The following PYGM variants were observed in gnomAD, a reference collection of about 807,000 sequenced individuals.
PYGM encodes glycogen phosphorylase, muscle associated, also known as glycogen phosphorylase, muscle form.
PYGM carries 81 observed loss-of-function variants against 99.3 expected under a neutral mutation model. The observed-to-expected ratio is 0.82, with a 90% CI of 0.68 to 0.98. PYGM has a LOEUF of 0.98. PYGM is among the 50% of genes least tolerant of loss of function. PYGM has a pLI of 0.00. For missense variants in PYGM, 1,030 were observed against 1,158.1 expected, an observed-to-expected ratio of 0.89 and a Z score of 1.61; for synonymous variants, 436 against 451.5, an observed-to-expected ratio of 0.97 and a Z score of 0.44.
chr11:64,749,937 C>A (rs1034415079), intron 17 of PYGM, among the ~76,000 whole-genome samples: 1 of 151,840 alleles, frequency 6.6e-6, no homozygotes, highest in Non-Finnish European at 1.5e-5. Flanking sequence ...GGACTACAGG[C>A]GCCTGCCAAC....
rs1030163168 is a variant in PYGM, at chr11:64,754,269, C to T, written c.1076G>A (p.Arg359Gln). ...ELMRILVDLE[R>Q]MDWDKAWDVT... ...GAAGCCCACCTTGTCCCAGTCCATCCGTTCCAGGTCCACCAGGATCCTCAT... is the reference window on the plus strand; with the variant it reads ...GAAGCCCACCTTGTCCCAGTCCATCTGTTCCAGGTCCACCAGGATCCTCAT... The change falls in exon 9 of 20, where the codon CGG becomes CAG. Residue 359 changes from arginine (R) to glutamine (Q), a missense_variant. Arg to Gln is a conservative substitution (Grantham distance 43). Transcript: ENST00000164139. The surrounding 1 kb of genome is among the most constrained non-coding windows in gnomAD (Gnocchi z 5.5). 8.7e-6 allele frequency: 14 copies of T among 1,613,334 alleles called. No homozygotes were observed. Among genetic ancestry groups the T allele is most frequent in the Middle Eastern group, 1.6e-4 (1 of 6,084 alleles).
At position 64,750,523 on chromosome 11, in the gene PYGM, G is replaced by A. The variant is rs928891607; in HGVS notation, c.2030C>T (p.Thr677Ile). The A allele has an allele frequency of 6.2e-7, 1 of 1,614,088 alleles. No individual in the cohort carries two copies. The highest frequency in any genetic ancestry group is 8.5e-7 in the Non-Finnish European group (1 of 1,180,052). ...GTTGAGCATGAACTTCATGTTGCCGGTGCCTGAGGCTTCAGTGCCCGCAGT... is the reference window on the plus strand; with the variant it reads ...GTTGAGCATGAACTTCATGTTGCCGATGCCTGAGGCTTCAGTGCCCGCAGT... ...ISTAGTEASGTGNMKFMLNGA... is the reference protein window; with the variant it reads ...ISTAGTEASGIGNMKFMLNGA... Residue 677 changes from threonine to isoleucine, a missense_variant, in exon 17 of 20, where the codon ACC (threonine) becomes ATC (isoleucine). Coordinates refer to ENST00000164139, the MANE Select transcript of PYGM (RefSeq NM_005609.4).
At chr11:64,752,966 A>T in intron 12 of PYGM, 107 bp downstream of exon 12, 1 of 1,058,772 alleles carries the variant, frequency 9.4e-7, no homozygotes, top group African/African-American at 1.6e-5. Flanking sequence ...GAGGGATTTC[A>T]GCCTTCAGCT....
chr11:64,754,883 C>T lies in PYGM; in HGVS notation c.856-47G>A, dbSNP rs200461220. ...GTGAGTCAGGGCGGTGGGGGCATGG[C>T]CTAAAGCTGCGGTGGGTGTGGCCAG... On this transcript the variant is annotated intron_variant, in intron 7 of 19. Transcript: ENST00000164139. The surrounding 1 kb of genome is among the most constrained non-coding windows in gnomAD (Gnocchi z 5.5). 46 of 1,607,798 alleles carry T rather than the reference C, an allele frequency of 2.9e-5. No homozygotes were observed. In the African/African-American group the frequency reaches 4.7e-4, roughly 16 times the overall value.
intron 11 of PYGM, 107 bp downstream of exon 11, chr11:64,753,412 G>A: frequency 6.9e-7 from 1 of 1,441,256 alleles, no homozygotes; most frequent in Non-Finnish European, 9.3e-7. Context: ...AAAGGCGCCA[G>A]GGCCCAGAGA....
In PYGM at chr11:64,752,503, C is replaced by T. The variant is rs575153481; in HGVS notation, c.1520G>A (p.Arg507His). ...NPGLAEVIAE[R>H]IGEDFISDLD... ...GTCAGAGATGAAGTCCTCCCCGATG[C>T]GCTATGGGAAGACGGCTCTCAGCCA... is the stretch of plus-strand genomic sequence containing the variant. The change falls in exon 13 of 20, where the codon CGC becomes CAC. Residue 507 changes from arginine (R) to histidine (H), a missense_variant and splice_region_variant. Transcript: ENST00000164139. The T allele has an allele frequency of 8.1e-6, 13 of 1,613,322 alleles. 1 individual carries two copies. Among genetic ancestry groups the T allele is most frequent in the South Asian group, 5.5e-5 (5 of 91,028 alleles).
intron 13 of PYGM, 74 bp downstream of exon 13, chr11:64,752,329 C>T (rs941083220): frequency 1.7e-5 from 27 of 1,545,468 alleles, no homozygotes; most frequent in African/African-American, 6.8e-5. Flanking sequence ...CTATTTGCCA[C>T]GCCTGACCCA....
In PYGM at chr11:64,753,933, C is replaced by T. The variant is rs1347426590; in HGVS notation, c.1185G>A (p.Thr395=). ...LERWPVHLLE[T]LLPRHLQIIY... The stretch of plus-strand genomic sequence containing the variant: ...TGATCTGGAGGTGCCGCGGCAGCAG[C>T]GTCTCCAAGAGGTGCACCGGCCAGC... Residue 395 remains threonine (T), a synonymous_variant, in exon 10 of 20, where the codon ACG becomes ACA. Transcript: ENST00000164139. The T allele has an allele frequency of 1.8e-5, 29 of 1,598,012 alleles. No individual in the cohort carries two copies. Among genetic ancestry groups the T allele is most frequent in the Non-Finnish European group, 2.0e-5 (24 of 1,172,036 alleles).
At chr11:64,760,498 C>G (rs2058427791), upstream of PYGM, among the ~76,000 whole-genome samples, 1 of 152,228 alleles carries the variant, frequency 6.6e-6, no homozygotes, top group Non-Finnish European at 1.5e-5. Context: ...TCCACCCCCA[C>G]CGAAGCTGAG....
upstream of PYGM, chr11:64,760,182 A>G (rs2058425633): frequency 4.3e-6 from 2 of 468,338 alleles, no homozygotes; most frequent in Non-Finnish European, 7.9e-6. Context: ...CACTTCCTCC[A>G]GGCCTTGCAC....
In PYGM at chr11:64,753,191, C is replaced by A. The variant is rs1397436069; in HGVS notation, c.1404-4G>T. 6.2e-7 allele frequency: 1 copy of A among 1,603,248 alleles called. No homozygotes were observed. The highest frequency in any genetic ancestry group is 8.5e-7 in the Non-Finnish European group (1 of 1,170,242). On this transcript the variant is annotated splice_polypyrimidine_tract_variant and splice_region_variant and intron_variant, in intron 11 of 19. Transcript: ENST00000164139. ...CAGCTCATAGAAGTCTTTGAAGCTGCAGGATGAGGTTGGACGAGGGTCACC... is the reference window on the plus strand; with the variant it reads ...CAGCTCATAGAAGTCTTTGAAGCTGAAGGATGAGGTTGGACGAGGGTCACC...
chr11:64,755,673 G>T lies in PYGM; in HGVS notation c.661-115C>A. On this transcript the variant is annotated intron_variant, in intron 5 of 19. Coordinates refer to ENST00000164139, the MANE Select transcript of PYGM (RefSeq NM_005609.4). The surrounding 1 kb of genome is among the most constrained non-coding windows in gnomAD (Gnocchi z 4.1). ...TCTGCAGACCCAGGCTCTTGTCCTT[G>T]TCTAGCATCGATGAGCTGGGTAACC... 1.3e-6 allele frequency: 1 copy of T among 789,772 alleles called. No homozygotes were observed. The allele number at this position is 789,772 out of a possible 1,614,324, so 48.9% of individuals were successfully genotyped here. A position where few individuals can be genotyped will look rare whatever the true frequency, so the allele number is the denominator to read the frequency against.
Position 64,754,825 on chromosome 11 carries a change from C to G in PYGM, c.867G>C (p.Gly289=). The change falls in exon 8 of 20, where the codon GGG becomes GGC. Residue 289 remains glycine, a synonymous_variant. Transcript: ENST00000164139. This position sits in a 1 kb window ranked among gnomAD's most constrained non-coding sequence, Gnocchi z 5.5. ...VLYPNDNFFE[G]KELRLKQEYF... The stretch of plus-strand genomic sequence containing the variant: ...ACTCCTGCTTCAGCCGCAGCTCCTT[C>G]CCTTCGAAGAACTGGGGACAGCATG... 6.2e-7 allele frequency: 1 copy of G among 1,613,880 alleles called. No homozygotes were observed. The highest frequency in any genetic ancestry group is 8.5e-7 in the Non-Finnish European group (1 of 1,180,002).
Position 64,746,529 on chromosome 11 carries a change from G to C in PYGM, c.*130C>G. On this transcript the variant is annotated 3_prime_UTR_variant, in exon 20 of 20. Transcript: ENST00000164139. ...CGCTGGACACTGGGACATTGAGAGT[G>C]GGGAAAATGAGGGTTCCAGGAGGGG... 1 of 1,295,646 alleles carries C rather than the reference G, an allele frequency of 7.7e-7. No individual in the cohort carries two copies. Among genetic ancestry groups the C allele is most frequent in the South Asian group, 1.2e-5 (1 of 81,820 alleles). The allele number at this position is 1,295,646 out of a possible 1,614,324, so 80.3% of individuals were successfully genotyped here. A position where few individuals can be genotyped will look rare whatever the true frequency, so the allele number is the denominator to read the frequency against.
chr11:64,760,620 C>T (rs957506321), upstream of PYGM, among the ~76,000 whole-genome samples: 4 of 152,238 alleles, frequency 2.6e-5, no homozygotes, highest in African/African-American at 7.2e-5. Flanking sequence ...GCCTGCAGCA[C>T]GGGGCCCTGG....
chr11:64,752,537 C>A, intron 12 of PYGM, 33 bp from the exon 13 acceptor site: 2 of 1,574,302 alleles, frequency 1.3e-6, no homozygotes, highest in Non-Finnish European at 8.7e-7. Flanking sequence ...CAAGCCCATC[C>A]CCATGTCCTC....
At chr11:64,749,433 C>T (rs893335158) in intron 17 of PYGM, among the ~76,000 whole-genome samples, 1 of 151,000 alleles carries the variant, frequency 6.6e-6, no homozygotes, top group African/African-American at 2.4e-5. Context: ...ACGAGGTCAG[C>T]AGATCGAGAC....
intron 17 of PYGM, 34 bp downstream of exon 17, chr11:64,750,342 G>C: frequency 6.2e-7 from 1 of 1,611,682 alleles, no homozygotes; most frequent in African/African-American, 1.3e-5. Flanking sequence ...GCCACACCTG[G>C]GTGTCTTTTG....
chr11:64,750,455 T>C lies in PYGM; in HGVS notation c.2098A>G (p.Met700Val). The C allele has an allele frequency of 6.2e-7, 1 of 1,614,218 alleles. No individual in the cohort carries two copies. Among genetic ancestry groups the C allele is most frequent in the Non-Finnish European group, 8.5e-7 (1 of 1,180,036 alleles). Residue 700 changes from methionine to valine, a missense_variant, in exon 17 of 20, where the codon ATG becomes GTG. Physicochemically the swap from Met to Val is conservative, Grantham distance 21. Transcript: ENST00000164139. ...TTTTCCTCTCCCGCCTCTTCTGCCA[T>C]CTCCACATTGGCCCCGTCCATGGTG... ...IGTMDGANVE[M>V]AEEAGEENFF...
Sources: gnomAD v4.1 joint callset for allele counts (sites outside exome capture counted in the v4.1 genomes callset) on GRCh38, gnomAD v4.1.1 for gene constraint, Gnocchi (gnomAD v3.1) non-coding constraint, MANE v1.5 for transcripts, NCBI Gene and HGNC (gene_info 2026-07-23, HGNC 2026-07-21) for gene names.